Variants in IL23R observed in about 807,000 individuals in gnomAD.
IL23R encodes the protein interleukin 23 receptor, also known as interleukin-23 receptor.
Under a neutral mutation model 56.9 loss-of-function variants are expected in IL23R, and 34 were observed. The observed-to-expected ratio is 0.60, with a 90% confidence interval of 0.45 to 0.80. IL23R has a LOEUF of 0.80. IL23R is among the 30% of genes least tolerant of loss of function. The pLI, the probability that IL23R is intolerant of heterozygous loss-of-function variation, is 0.00. For missense variants in IL23R, 635 were observed against 730.0 expected, an observed-to-expected ratio of 0.87 and a Z score of 1.50; for synonymous variants, 230 against 249.2, an observed-to-expected ratio of 0.92 and a Z score of 0.73.
chr1:67,204,133 G>A (rs1450391457), intron 5 of IL23R, among the ~76,000 whole-genome samples: 5 of 151,838 alleles, frequency 3.3e-5, no homozygotes, highest in South Asian at 4.2e-4. Flanking sequence ...GCGCGATCTC[G>A]GCTCACTGCA....
intron 7 of IL23R, among the ~76,000 whole-genome samples, chr1:67,227,617 A>C (rs1010566743): frequency 3.9e-5 from 6 of 152,222 alleles, no homozygotes; most frequent in Non-Finnish European, 8.8e-5. Context: ...TAACGGAACT[A>C]AATATCAGTG....
intron 7 of IL23R, among the ~76,000 whole-genome samples, chr1:67,222,102 C>CTTTCTTTTTTTTTTTTTTTT (rs1440089182): frequency 1.0e-4 from 6 of 58,900 alleles, no homozygotes; most frequent in African/African-American, 3.8e-4. Flanking sequence ...TTCTTTCTTT[C>CTTTCTTTTTTTTTTTTTTTT]TTTTTTTTTT....
intron 5 of IL23R, among the ~76,000 whole-genome samples, chr1:67,202,996 A>G (rs1401392581): frequency 6.6e-6 from 1 of 152,128 alleles, no homozygotes; most frequent in Non-Finnish European, 1.5e-5. Flanking sequence ...GTGAATTTAC[A>G]TTTTGAGGTA....
At chr1:67,141,371 G>A (rs1482810484) in intron 1 of IL23R, among the ~76,000 whole-genome samples, 1 of 151,744 alleles carries the variant, frequency 6.6e-6, no homozygotes, top group South Asian at 2.1e-4. Context: ...CTTCAACATG[G>A]CCAAAAGACT....
intron 9 of IL23R, among the ~76,000 whole-genome samples, chr1:67,246,540 T>A (rs1182037692): frequency 6.6e-6 from 1 of 152,202 alleles, no homozygotes; most frequent in Non-Finnish European, 1.5e-5. Flanking sequence ...TCAAAGAACA[T>A]CTTTATTTCT....
chr1:67,188,527 TA>T (rs1213174350), intron 4 of IL23R, among the ~76,000 whole-genome samples: 1 of 152,278 alleles, frequency 6.6e-6, no homozygotes, highest in Non-Finnish European at 1.5e-5. Flanking sequence ...ACAAAGCTTA[TA>T]AAAAAGCAAA....
intron 5 of IL23R, among the ~76,000 whole-genome samples, chr1:67,201,278 G>T (rs1416910931): frequency 1.3e-5 from 2 of 151,772 alleles, no homozygotes; most frequent in Non-Finnish European, 2.9e-5. Flanking sequence ...CATGGTGGCG[G>T]GCACCTGTAG....
At chr1:67,146,783 AAG>A (rs1467407895) in intron 1 of IL23R, among the ~76,000 whole-genome samples, 1 of 152,246 alleles carries the variant, frequency 6.6e-6, no homozygotes, top group Non-Finnish European at 1.5e-5. Context: ...AAGTAAATCT[AAG>A]ACTAGAGACA....
chr1:67,220,479 G>A (rs905642642), intron 7 of IL23R, among the ~76,000 whole-genome samples: 5 of 151,944 alleles, frequency 3.3e-5, no homozygotes, highest in Non-Finnish European at 7.4e-5. Context: ...AACTATTCTA[G>A]GGCAGATGAT....
At chr1:67,233,105 T>C (rs1394274088) in intron 7 of IL23R, among the ~76,000 whole-genome samples, 2 of 149,854 alleles carry the variant, frequency 1.3e-5, no homozygotes, top group Non-Finnish European at 3.0e-5. Context: ...TCCCAGCATT[T>C]TGGGAGGCTG....
chr1:67,184,874 T>G (rs185967607), intron 4 of IL23R, among the ~76,000 whole-genome samples: 2 of 152,230 alleles, frequency 1.3e-5, no homozygotes, highest in African/African-American at 4.8e-5. Flanking sequence ...AGTTGGGGCC[T>G]TTGAAGTGAG....
At chr1:67,200,604 C>T (rs1394228743) in intron 4 of IL23R, 133 bp from the exon 5 acceptor site, 2 of 754,552 alleles carry the variant, frequency 2.7e-6, no homozygotes, top group Non-Finnish European at 4.5e-6. Context: ...AGGCTGGTCT[C>T]GAACTCCTGA....
chr1:67,220,607 C>A (rs1650176886), intron 7 of IL23R, among the ~76,000 whole-genome samples: 1 of 151,326 alleles, frequency 6.6e-6, no homozygotes, highest in African/African-American at 2.4e-5. Flanking sequence ...CTGGTTTACA[C>A]CTGTAATCCC....
intron 7 of IL23R, among the ~76,000 whole-genome samples, chr1:67,224,465 C>A (rs1650489322): frequency 6.6e-6 from 1 of 152,168 alleles, no homozygotes; most frequent in African/African-American, 2.4e-5. Flanking sequence ...TGAATTGATT[C>A]ATCTCAATAC....
intron 3 of IL23R, among the ~76,000 whole-genome samples, chr1:67,179,272 T>C (rs1647055687): frequency 6.6e-6 from 1 of 152,232 alleles, no homozygotes; most frequent in South Asian, 2.1e-4. Flanking sequence ...TGGTAGGCTA[T>C]TAATTATTGC....
chr1:67,182,566 CT>C (rs1035270968), intron 3 of IL23R, among the ~76,000 whole-genome samples: 21 of 152,310 alleles, frequency 1.4e-4, no homozygotes, highest in African/African-American at 4.6e-4. Context: ...AGGGAATTCC[CT>C]GACCCCTTGC....
chr1:67,154,724 G>T (rs1646756766), intron 1 of IL23R, among the ~76,000 whole-genome samples: 1 of 151,960 alleles, frequency 6.6e-6, no homozygotes, highest in Non-Finnish European at 1.5e-5. Context: ...CACACCAATG[G>T]GTCTTGACTC....
At chr1:67,161,679 G>C (rs756418410), upstream of IL23R, among the ~76,000 whole-genome samples, 4 of 151,966 alleles carry the variant, frequency 2.6e-5, no homozygotes, top group Non-Finnish European at 5.9e-5. Flanking sequence ...CCAGGCTGGA[G>C]TGCTGTGGCG....
At chr1:67,140,133 T>A (rs1646622525) in intron 1 of IL23R, among the ~76,000 whole-genome samples, 1 of 152,204 alleles carries the variant, frequency 6.6e-6, no homozygotes, top group South Asian at 2.1e-4. Context: ...CTTTTCTTTA[T>A]AAATTCCCCA....
Sources: gnomAD v4.1 joint callset for allele counts (sites outside exome capture counted in the v4.1 genomes callset) on GRCh38, gnomAD v4.1.1 for gene constraint, MANE v1.5 for transcripts, NCBI Gene and HGNC (gene_info 2026-07-23, HGNC 2026-07-21) for gene names.